The following TMOD1 variants were observed in gnomAD, a reference collection of about 807,000 sequenced individuals.
TMOD1 encodes tropomodulin 1.
A neutral mutation model predicts 40.6 loss-of-function variants in TMOD1; 17 were observed. The observed-to-expected ratio is 0.42, with a 90% confidence interval of 0.29 to 0.63. The LOEUF (loss-of-function observed/expected upper bound fraction) is 0.63. Among genes scored for constraint, TMOD1 ranks in the 20% least tolerant of loss-of-function variants. TMOD1 has a pLI of 0.22. For synonymous variants in TMOD1, 181 were observed against 175.0 expected, an observed-to-expected ratio of 1.03 and a Z score of -0.27; for missense variants, 391 against 447.6, an observed-to-expected ratio of 0.87 and a Z score of 1.14.
chr9:97,595,326 C>A (rs1273823304), intron 9 of TMOD1, among the ~76,000 whole-genome samples: 1 of 152,126 alleles, frequency 6.6e-6, no homozygotes, highest in African/African-American at 2.4e-5. Flanking sequence ...ACACCTTATT[C>A]CTCTTGTCCA....
chr9:97,515,955 G>A (rs1392846826), intron 1 of TMOD1, among the ~76,000 whole-genome samples: 1 of 152,114 alleles, frequency 6.6e-6, no homozygotes, highest in Non-Finnish European at 1.5e-5. Context: ...CGGAGGAGTG[G>A]TTATTGGCAT....
chr9:97,595,481 T>G (rs557444217), intron 9 of TMOD1, among the ~76,000 whole-genome samples: 1 of 152,208 alleles, frequency 6.6e-6, no homozygotes, highest in Non-Finnish European at 1.5e-5. Flanking sequence ...CTTATTTCAC[T>G]TAGTATAATG....
Position 97,599,769 on chromosome 9 carries a change from C to T in TMOD1, c.*71C>T. 2 of 1,608,558 alleles carry T rather than the reference C, an allele frequency of 1.2e-6. No homozygotes were observed. Among genetic ancestry groups the T allele is most frequent in the Middle Eastern group, 1.9e-4 (1 of 5,228 alleles). On this transcript the variant is annotated 3_prime_UTR_variant, in exon 10 of 10. Transcript: ENST00000259365. ...GATGACCTGTGCTCTGCAGGGGAAACCAGAAGGCAAAATGCTGGCAGCATG... is the reference window on the plus strand; with the variant it reads ...GATGACCTGTGCTCTGCAGGGGAAATCAGAAGGCAAAATGCTGGCAGCATG...
chr9:97,571,741 C>T (rs1449204991), intron 8 of TMOD1, among the ~76,000 whole-genome samples: 3 of 152,232 alleles, frequency 2.0e-5, no homozygotes, highest in African/African-American at 7.2e-5. Context: ...CTCCAGAGTC[C>T]ATGTATAATG....
Position 97,502,325 on chromosome 9 carries a change from C to T in TMOD1, c.-49+522C>T, listed in dbSNP as rs1049693486. ...CGACTGGACGTGGATCCCAGGTTCGCGCTGAGAGTGTTTGGGGCAGGTGAA... is the reference window on the plus strand; with the variant it reads ...CGACTGGACGTGGATCCCAGGTTCGTGCTGAGAGTGTTTGGGGCAGGTGAA... On this transcript the variant is annotated intron_variant, in intron 1 of 9. Transcript: ENST00000259365. This position sits in a 1 kb window ranked among gnomAD's most constrained non-coding sequence, Gnocchi z 6.1. Among the ~76,000 whole-genome samples the T allele has an allele frequency of 2.0e-5, 3 of 152,156 alleles. No homozygotes were observed. Among genetic ancestry groups the T allele is most frequent in the African/African-American group, 7.2e-5 (3 of 41,442 alleles).
intron 3 of TMOD1, among the ~76,000 whole-genome samples, chr9:97,548,303 G>A (rs926869254): frequency 1.3e-5 from 2 of 152,162 alleles, no homozygotes; most frequent in Non-Finnish European, 2.9e-5. Context: ...GGTAGACATT[G>A]TGCAGAGGAC....
At chr9:97,594,172 C>T (rs949679402) in intron 9 of TMOD1, among the ~76,000 whole-genome samples, 3 of 152,142 alleles carry the variant, frequency 2.0e-5, no homozygotes, top group African/African-American at 7.2e-5. Context: ...GAACTGTGGG[C>T]AGCTGCTCCC....
chr9:97,567,855 G>C (rs924799297), intron 7 of TMOD1, among the ~76,000 whole-genome samples: 3 of 152,160 alleles, frequency 2.0e-5, no homozygotes, highest in African/African-American at 7.2e-5. Context: ...AGGCAGGGGC[G>C]ACGGGGTAGG....
intron 8 of TMOD1, among the ~76,000 whole-genome samples, chr9:97,582,464 G>T (rs1469863391): frequency 1.4e-5 from 2 of 147,412 alleles, no homozygotes; most frequent in East Asian, 3.9e-4. Flanking sequence ...TTTGGCTTAG[G>T]ATTGACTTGG....
intron 4 of TMOD1, among the ~76,000 whole-genome samples, chr9:97,559,793 AAATATATATATAT>A (rs1277331499): frequency 3.2e-5 from 1 of 31,518 alleles, no homozygotes; most frequent in African/African-American, 1.2e-4. Flanking sequence ...AAAAAAAAAA[AAATATATATATAT>A]ATATATATAT....
At chr9:97,519,837 A>G (rs1829887791) in intron 1 of TMOD1, among the ~76,000 whole-genome samples, 1 of 152,098 alleles carries the variant, frequency 6.6e-6, no homozygotes, top group African/African-American at 2.4e-5. Flanking sequence ...TAGAGACTCC[A>G]GCAGCGACAG....
rs552521049 is a variant in TMOD1 at position 97,557,591 on chromosome 9, T to G, written c.397+4191T>G. Among the ~76,000 whole-genome samples, 2 of 152,306 alleles carry G rather than the reference T, an allele frequency of 1.3e-5. No individual in the cohort carries two copies. Among genetic ancestry groups the G allele is most frequent in the South Asian group, 4.1e-4 (2 of 4,828 alleles). On this transcript the variant is annotated intron_variant, in intron 4 of 9. Transcript: ENST00000259365. The surrounding 1 kb of genome is among the most constrained non-coding windows in gnomAD (Gnocchi z 4.4). Reference sequence around the variant, plus strand: ...ACCCTGCCAGTGGCAGGGTGTATCTTATCCAGGAGCAGCTCAACTGCATCC... The same window carrying G: ...ACCCTGCCAGTGGCAGGGTGTATCTGATCCAGGAGCAGCTCAACTGCATCC...
chr9:97,563,273 G>A (rs935440173), intron 5 of TMOD1, among the ~76,000 whole-genome samples: 3 of 152,108 alleles, frequency 2.0e-5, no homozygotes, highest in Admixed American at 6.5e-5. Context: ...GACTGGTCTC[G>A]AACTCCTGGA....
At chr9:97,599,200 T>C (rs1564003173) in intron 9 of TMOD1, among the ~76,000 whole-genome samples, 1 of 150,266 alleles carries the variant, frequency 6.7e-6, no homozygotes, top group African/African-American at 2.4e-5. Context: ...GTGGAAACTC[T>C]CGTTTATATA....
intron 3 of TMOD1, among the ~76,000 whole-genome samples, chr9:97,547,210 GC>G (rs993473580): frequency 6.6e-6 from 1 of 151,158 alleles, no homozygotes; most frequent in South Asian, 2.1e-4. Context: ...CAAACCCTCT[GC>G]CCCCCTCCAA....
At chr9:97,527,375 T>C (rs1830033159) in intron 2 of TMOD1, among the ~76,000 whole-genome samples, 1 of 152,228 alleles carries the variant, frequency 6.6e-6, no homozygotes, top group Non-Finnish European at 1.5e-5. Context: ...GAGCACAGGC[T>C]GGTGGGGACA....
intron 2 of TMOD1, among the ~76,000 whole-genome samples, chr9:97,541,194 TTTA>T (rs1220842728): frequency 5.9e-5 from 9 of 152,176 alleles, no homozygotes; most frequent in Non-Finnish European, 1.2e-4. Context: ...TTTATTTATT[TTTA>T]TTTTTATTTT....
At chr9:97,559,790 A>AT (rs1211883354) in intron 4 of TMOD1, among the ~76,000 whole-genome samples, 6 of 44,074 alleles carry the variant, frequency 1.4e-4, no homozygotes, top group African/African-American at 2.0e-4. Context: ...AAAAAAAAAA[A>AT]AAAAATATAT....
rs1290549104 is a variant in TMOD1, at chr9:97,555,327, G to T, written c.397+1927G>T. The T allele has an allele frequency of 5.1e-6, 6 of 1,169,102 alleles. No individual in the cohort carries two copies. The East Asian group carries it at 2.8e-4, about 55-fold the overall frequency. The allele number at this position is 1,169,102 out of a possible 1,614,324, so 72.4% of individuals were successfully genotyped here. The stretch of plus-strand genomic sequence containing the variant: ...GGTGCGGCATCTCCACATGGACTGG[G>T]GCTGTTTTTACCCTGGACTTTCTCC... On this transcript the variant is annotated intron_variant, in intron 4 of 9. Transcript: ENST00000259365.
Sources: gnomAD v4.1 joint callset for allele counts (sites outside exome capture counted in the v4.1 genomes callset) on GRCh38, gnomAD v4.1.1 for gene constraint, Gnocchi (gnomAD v3.1) non-coding constraint, MANE v1.5 for transcripts, NCBI Gene and HGNC (gene_info 2026-07-23, HGNC 2026-07-21) for gene names.